The following FBLN5 variants were observed in gnomAD, a reference collection of about 807,000 sequenced individuals.
The protein encoded by FBLN5 is fibulin 5.
A neutral mutation model predicts 61.6 loss-of-function variants in FBLN5; 24 were observed. That is an observed-to-expected ratio of 0.39 (90% CI 0.28 to 0.55). FBLN5 has a LOEUF of 0.55. Among genes scored for constraint, FBLN5 ranks in the 20% least tolerant of loss-of-function variants. The pLI is 0.65. For synonymous variants in FBLN5, 213 were observed against 219.8 expected (o/e 0.97, Z 0.27); for missense variants, 470 against 594.1 (o/e 0.79, Z 2.17).
intron 4 of FBLN5, among the ~76,000 whole-genome samples, chr14:91,902,946 G>A (rs920555338): frequency 6.6e-6 from 1 of 152,116 alleles, no homozygotes; most frequent in East Asian, 1.9e-4. Flanking sequence ...AGGGAGGGAG[G>A]CATGGGTCAA....
At chr14:91,881,503 T>C in intron 8 of FBLN5, 85 bp from the exon 9 acceptor site, 1 of 1,420,804 alleles carries the variant, frequency 7.0e-7, no homozygotes, top group East Asian at 2.3e-5. Flanking sequence ...TGGATCTTAC[T>C]ACAGAGCTGT....
chr14:91,902,815 A>T (rs1890514217), intron 4 of FBLN5, among the ~76,000 whole-genome samples: 1 of 152,176 alleles, frequency 6.6e-6, no homozygotes, highest in Admixed American at 6.5e-5. Flanking sequence ...AAGTAACTGC[A>T]ATATTTAAGA....
At chr14:91,925,771 T>G (rs2055817622) in intron 4 of FBLN5, among the ~76,000 whole-genome samples, 1 of 152,218 alleles carries the variant, frequency 6.6e-6, no homozygotes, top group African/African-American at 2.4e-5. Context: ...CTTCTGTACA[T>G]TAGATTGCAT....
intron 7 of FBLN5, among the ~76,000 whole-genome samples, chr14:91,885,307 AT>A (rs1017365566): frequency 1.6e-4 from 25 of 152,218 alleles, no homozygotes; most frequent in African/African-American, 5.8e-4. Context: ...CCAAATCGGC[AT>A]GGATGTAAGC....
At chr14:91,921,835 G>A (rs2055740644) in intron 4 of FBLN5, among the ~76,000 whole-genome samples, 1 of 152,178 alleles carries the variant, frequency 6.6e-6, no homozygotes, top group African/African-American at 2.4e-5. Context: ...GTCCAGAAGG[G>A]CCTGGTATAT....
At chr14:91,942,193 T>C (rs143952986) in intron 2 of FBLN5, 80 of 455,922 alleles carry the variant, frequency 1.8e-4, no homozygotes, top group African/African-American at 1.4e-3. Flanking sequence ...TAAAATAAAG[T>C]CCAGGATGCT....
At chr14:91,872,679 T>G (rs938608418) in intron 10 of FBLN5, among the ~76,000 whole-genome samples, 1 of 152,180 alleles carries the variant, frequency 6.6e-6, no homozygotes, top group Non-Finnish European at 1.5e-5. Context: ...AATTTCCTCT[T>G]GGCACTGGTT....
chr14:91,897,741 T>C (rs1890284449), intron 4 of FBLN5, among the ~76,000 whole-genome samples: 1 of 152,170 alleles, frequency 6.6e-6, no homozygotes, highest in Non-Finnish European at 1.5e-5. Flanking sequence ...ACTCCAGCAC[T>C]TTTACTGAAC....
chr14:91,871,574 A>G (rs1486843968), intron 10 of FBLN5, among the ~76,000 whole-genome samples: 1 of 152,156 alleles, frequency 6.6e-6, no homozygotes, highest in Non-Finnish European at 1.5e-5. Flanking sequence ...TCCTCATAAA[A>G]TGGCCAGGCA....
At chr14:91,919,372 AAAAGAAAAG>A (rs1446546910) in intron 4 of FBLN5, among the ~76,000 whole-genome samples, 20 of 114,988 alleles carry the variant, frequency 1.7e-4, no homozygotes, top group East Asian at 1.4e-3. Flanking sequence ...AAAAGAAAAG[AAAAGAAAAG>A]AAAGAAAGAA....
chr14:91,875,043 T>A (rs1176651296), intron 10 of FBLN5, among the ~76,000 whole-genome samples: 1 of 152,148 alleles, frequency 6.6e-6, no homozygotes, highest in African/African-American at 2.4e-5. Flanking sequence ...TTGCCCAGGC[T>A]GGACTTGAAC....
chr14:91,891,469 A>C (rs961918270), intron 5 of FBLN5, 132 bp from the exon 6 acceptor site: 1 of 747,398 alleles, frequency 1.3e-6, no homozygotes, highest in Non-Finnish European at 2.4e-6. Flanking sequence ...GAGCCAAGAC[A>C]GTGCCTACTG....
chr14:91,894,864 G>T, intron 5 of FBLN5, 86 bp downstream of exon 5: 1 of 802,040 alleles, frequency 1.2e-6, no homozygotes, highest in Non-Finnish European at 1.9e-6. Context: ...ACTACCCTCA[G>T]GCAGCCAGCT....
intron 4 of FBLN5, among the ~76,000 whole-genome samples, chr14:91,915,140 A>G (rs937860773): frequency 2.6e-5 from 4 of 152,040 alleles, no homozygotes. Context: ...AGCCTGGGCA[A>G]CAGAGCAAGT....
At chr14:91,924,474 G>A (rs2055792267) in intron 4 of FBLN5, among the ~76,000 whole-genome samples, 1 of 152,122 alleles carries the variant, frequency 6.6e-6, no homozygotes, top group South Asian at 2.1e-4. Context: ...GATTGCCTGA[G>A]CTCAGGAGTT....
At chr14:91,918,987 TAAG>T (rs2055676560) in intron 4 of FBLN5, among the ~76,000 whole-genome samples, 1 of 152,144 alleles carries the variant, frequency 6.6e-6, no homozygotes, top group African/African-American at 2.4e-5. Flanking sequence ...AGTAAAGATC[TAAG>T]AAGGCCTCTG....
rs1286001414 is a variant in FBLN5 at position 91,944,964 on chromosome 14, C to T, written c.18-2003G>A. 2.6e-5 allele frequency among the ~76,000 whole-genome samples: 4 copies of T among 152,360 alleles called. No individual in the cohort carries two copies. The East Asian group carries it at 7.7e-4, about 29-fold the overall frequency. On this transcript the variant is annotated intron_variant, in intron 1 of 10. Coordinates refer to ENST00000342058, the MANE Select transcript of FBLN5 (RefSeq NM_006329.4). ...GACAAAATCAGGCTGGGCATGGTGGCTCCCACCTCTAATCCCAGCACTTTG... is the reference window on the plus strand; with the variant it reads ...GACAAAATCAGGCTGGGCATGGTGGTTCCCACCTCTAATCCCAGCACTTTG...
intron 4 of FBLN5, among the ~76,000 whole-genome samples, chr14:91,918,917 C>T (rs2055675540): frequency 6.6e-6 from 1 of 152,126 alleles, no homozygotes; most frequent in Admixed American, 6.5e-5. Flanking sequence ...AACAGAGGCA[C>T]AAGCACAGTG....
intron 7 of FBLN5, among the ~76,000 whole-genome samples, chr14:91,886,614 A>G (rs1319956857): frequency 6.6e-6 from 1 of 152,220 alleles, no homozygotes; most frequent in Non-Finnish European, 1.5e-5. Flanking sequence ...TTACGATTTC[A>G]TTCATTCAAC....
Sources: gnomAD v4.1 joint callset for allele counts (sites outside exome capture counted in the v4.1 genomes callset) on GRCh38, gnomAD v4.1.1 for gene constraint, MANE v1.5 for transcripts, NCBI Gene and HGNC (gene_info 2026-07-23, HGNC 2026-07-21) for gene names.